CFAP20DC: variants seen among roughly 807,000 people sequenced by gnomAD.
The protein encoded by CFAP20DC is CFAP20 domain containing.
In CFAP20DC, 84 loss-of-function variants were observed where a neutral mutation model predicts 101.7. The observed-to-expected ratio is 0.83, with a 90% CI of 0.69 to 0.99. The LOEUF (loss-of-function observed/expected upper bound fraction) is 0.99. Ranked by LOEUF, CFAP20DC falls within the 50% of genes least tolerant of loss-of-function variation. The pLI is 0.00. For missense variants in CFAP20DC, 1,007 were observed against 970.3 expected, an observed-to-expected ratio of 1.04 and a Z score of -0.50; for synonymous variants, 359 against 351.2, an observed-to-expected ratio of 1.02 and a Z score of -0.25.
chr3:58,962,178 T>G (rs2091195708), intron 4 of CFAP20DC, among the ~76,000 whole-genome samples: 1 of 152,190 alleles, frequency 6.6e-6, no homozygotes, highest in African/African-American at 2.4e-5. Flanking sequence ...TAACCACTAC[T>G]TTGGCTACAT....
At chr3:58,726,889 A>C (rs1309368423) in intron 3 of CFAP20DC, 1 of 235,352 alleles carries the variant, frequency 4.2e-6, no homozygotes, top group Non-Finnish European at 8.5e-6. Flanking sequence ...ATGACCCATT[A>C]CTTCCACTCG....
chr3:59,025,295 T>C (rs1311104223), intron 4 of CFAP20DC, among the ~76,000 whole-genome samples: 3 of 152,056 alleles, frequency 2.0e-5, no homozygotes, highest in Non-Finnish European at 2.9e-5. Flanking sequence ...CATAAGTCAA[T>C]AGTCAAGGAG....
At chr3:58,948,983 T>C (rs1341682860) in intron 4 of CFAP20DC, among the ~76,000 whole-genome samples, 3 of 152,230 alleles carry the variant, frequency 2.0e-5, no homozygotes, top group Non-Finnish European at 4.4e-5. Context: ...TATTGGTCTA[T>C]TCAGAGATTC....
chr3:58,770,759 A>T (rs1355430386), intron 15 of CFAP20DC, among the ~76,000 whole-genome samples: 1 of 152,214 alleles, frequency 6.6e-6, no homozygotes, highest in Non-Finnish European at 1.5e-5. Context: ...AAGATAGAAG[A>T]ATCTTGGATT....
intron 4 of CFAP20DC, among the ~76,000 whole-genome samples, chr3:58,944,676 A>G (rs1327195008): frequency 1.3e-5 from 2 of 148,230 alleles, no homozygotes; most frequent in Non-Finnish European, 2.9e-5. Flanking sequence ...TTATATTCTT[A>G]AGATAATACT....
chr3:58,730,036 A>AG (rs1304793817), intron 3 of CFAP20DC, among the ~76,000 whole-genome samples: 2 of 148,356 alleles, frequency 1.3e-5, no homozygotes, highest in South Asian at 2.1e-4. Flanking sequence ...AAAAAAAAAA[A>AG]AAAGAAAGTT....
rs1419007602 is a variant in CFAP20DC at position 58,847,676 on chromosome 3, CA to C, written c.1971+1355del. On this transcript the variant is annotated intron_variant, in intron 13 of 16. Coordinates refer to ENST00000482387, the MANE Select transcript of CFAP20DC (RefSeq NM_001394063.1). ...GCCATCCCATTACTGGGTATATACC[CA>C]AAGGACTATAAATCATGCTGCTATA... 4.7e-5 allele frequency among the ~76,000 whole-genome samples: 7 copies of C among 148,484 alleles called. No individual in the cohort carries two copies. In the East Asian group the frequency reaches 1.2e-3, roughly 26 times the overall value.
At chr3:58,725,570 T>C (rs971767949) in intron 3 of CFAP20DC, among the ~76,000 whole-genome samples, 1 of 152,138 alleles carries the variant, frequency 6.6e-6, no homozygotes, top group Non-Finnish European at 1.5e-5. Flanking sequence ...AGCAAGGGGA[T>C]TTTATTACTT....
intron 14 of CFAP20DC, among the ~76,000 whole-genome samples, chr3:58,827,711 T>G (rs1003603040): frequency 2.0e-5 from 3 of 152,210 alleles, no homozygotes; most frequent in Admixed American, 2.0e-4. Context: ...TTCCCATAAC[T>G]CGTTATTCTA....
intron 15 of CFAP20DC, among the ~76,000 whole-genome samples, chr3:58,797,295 A>C (rs981984496): frequency 6.6e-6 from 1 of 152,194 alleles, no homozygotes; most frequent in African/African-American, 2.4e-5. Flanking sequence ...TACTCCAGAG[A>C]ACACACAAAT....
chr3:59,049,419 A>G (rs1420317289), intron 1 of CFAP20DC, among the ~76,000 whole-genome samples, 192 bp downstream of exon 1: 3 of 152,172 alleles, frequency 2.0e-5, no homozygotes, highest in Admixed American at 2.0e-4. Context: ...ACAAAAGCCA[A>G]ATCATACGCC....
intron 14 of CFAP20DC, among the ~76,000 whole-genome samples, chr3:58,829,419 A>G (rs529077773): frequency 6.6e-6 from 1 of 152,204 alleles, no homozygotes; most frequent in African/African-American, 2.4e-5. Flanking sequence ...TTAAAGAGAA[A>G]GGCATGAGCT....
intron 15 of CFAP20DC, among the ~76,000 whole-genome samples, chr3:58,797,745 G>A (rs2073362729): frequency 6.7e-6 from 1 of 149,136 alleles, no homozygotes; most frequent in Non-Finnish European, 1.5e-5. Flanking sequence ...TCAAAGCACA[G>A]GATGACTCTG....
Position 58,953,899 on chromosome 3 carries a change from A to C in CFAP20DC, c.279-16137T>G, listed in dbSNP as rs566375252. ...AGGATTCATTTTTAAAAAACACCAT[A>C]TATGAGTTAATACATTGTTACATAC... On this transcript the variant is annotated intron_variant, in intron 4 of 16. Transcript: ENST00000482387. 2.0e-4 allele frequency: 31 copies of C among 152,314 alleles called. No homozygotes were observed. The South Asian group carries it at 6.4e-3, about 32-fold the overall frequency. 9.4% of individuals were successfully genotyped at this position (152,314 alleles called of 1,614,324 possible). A position where few individuals can be genotyped will look rare whatever the true frequency, so the allele number is the denominator to read the frequency against.
chr3:58,808,143 A>T (rs946664345), intron 14 of CFAP20DC, among the ~76,000 whole-genome samples: 1 of 152,208 alleles, frequency 6.6e-6, no homozygotes, highest in Non-Finnish European at 1.5e-5. Context: ...ACACTCTGCA[A>T]GATATTATCC....
In CFAP20DC at chr3:58,979,339, T is replaced by C. The variant is rs183599068; in HGVS notation, c.279-41577A>G. Among the ~76,000 whole-genome samples, 625 of 152,340 alleles carry C rather than the reference T, an allele frequency of 4.1e-3. 3 individuals carry two copies. Among genetic ancestry groups the C allele is most frequent in the Middle Eastern group, 6.8e-3 (2 of 294 alleles). On this transcript the variant is annotated intron_variant, in intron 4 of 16. Coordinates refer to ENST00000482387, the MANE Select transcript of CFAP20DC (RefSeq NM_001394063.1). The stretch of plus-strand genomic sequence containing the variant: ...TAAAAGTAGTCTCTATCTTGTAAAA[T>C]TGCTATAAGGATTGAATGCAATAAT...
At chr3:59,032,047 C>A in intron 4 of CFAP20DC, among the ~76,000 whole-genome samples, 1 of 152,108 alleles carries the variant, frequency 6.6e-6, no homozygotes, top group Non-Finnish European at 1.5e-5. Context: ...CCAAGGAGGG[C>A]GAGCCAAAGC....
intron 2 of CFAP20DC, among the ~76,000 whole-genome samples, chr3:59,046,705 T>G (rs1245525383): frequency 6.7e-6 from 1 of 150,230 alleles, no homozygotes; most frequent in Non-Finnish European, 1.5e-5. Flanking sequence ...AAGAAGAGAG[T>G]GGAGTAATTG....
intron 5 of CFAP20DC, among the ~76,000 whole-genome samples, chr3:58,927,147 G>C (rs2086076805): frequency 6.6e-6 from 1 of 152,118 alleles, no homozygotes; most frequent in African/African-American, 2.4e-5. Context: ...AAATATTAAA[G>C]TGACTCTTCA....
Sources: gnomAD v4.1 joint callset for allele counts (sites outside exome capture counted in the v4.1 genomes callset) on GRCh38, gnomAD v4.1.1 for gene constraint, MANE v1.5 for transcripts, NCBI Gene and HGNC (gene_info 2026-07-23, HGNC 2026-07-21) for gene names.